ANKRD6: variants seen among roughly 807,000 people sequenced by gnomAD.
ANKRD6 encodes ankyrin repeat domain-containing protein 6.
In ANKRD6, 56 loss-of-function variants were observed where a neutral mutation model predicts 82.3. The ratio of observed to expected loss-of-function variants is 0.68; its 90% CI spans 0.55 to 0.85. ANKRD6 has a LOEUF of 0.85. ANKRD6 is among the 40% of genes least tolerant of loss of function. The pLI, the probability that ANKRD6 is intolerant of heterozygous loss-of-function variation, is 0.00. For missense variants in ANKRD6, 852 were observed against 907.6 expected, an observed-to-expected ratio of 0.94 and a Z score of 0.79; for synonymous variants, 347 against 352.1, an observed-to-expected ratio of 0.99 and a Z score of 0.16.
chr6:89,434,690 GTTGGGA>G, intron 1 of ANKRD6, among the ~76,000 whole-genome samples: 1 of 152,264 alleles, frequency 6.6e-6, no homozygotes, highest in South Asian at 2.1e-4. Context: ...CTCCCAAAGT[GTTGGGA>G]TTACAGGTGT....
In ANKRD6 at chr6:89,463,852, A is replaced by G. The variant is rs1297326686; in HGVS notation, c.-144+30477A>G. Among the ~76,000 whole-genome samples, 3 of 152,176 alleles carry G rather than the reference A, an allele frequency of 2.0e-5. No individual in the cohort carries two copies. In the East Asian group the frequency reaches 5.8e-4, roughly 29 times the overall value. On this transcript the variant is annotated intron_variant, in intron 1 of 15. Transcript: ENST00000339746. ...AAGCATAAGCCACCACGCCCAGTCA[A>G]AAATCTTATTTTATAAAAAAAAGCA...
intron 1 of ANKRD6, among the ~76,000 whole-genome samples, chr6:89,516,665 C>T (rs773378374): frequency 2.0e-5 from 3 of 152,216 alleles, no homozygotes; most frequent in African/African-American, 4.8e-5. Flanking sequence ...TTAGTAGAGA[C>T]GGGGTTTTGC....
At chr6:89,580,500 A>C (rs1792265669) in intron 2 of ANKRD6, among the ~76,000 whole-genome samples, 1 of 152,160 alleles carries the variant, frequency 6.6e-6, no homozygotes, top group Admixed American at 6.5e-5. Flanking sequence ...TCCGGCAGCC[A>C]CTTTCAAGAG....
At chr6:89,436,139 A>G (rs1382994102) in intron 1 of ANKRD6, among the ~76,000 whole-genome samples, 1 of 152,238 alleles carries the variant, frequency 6.6e-6, no homozygotes, top group Non-Finnish European at 1.5e-5. Context: ...GTTTGAAAAA[A>G]TAATATACAT....
intron 3 of ANKRD6, chr6:89,598,451 C>A: frequency 3.1e-6 from 3 of 982,606 alleles, no homozygotes; most frequent in Non-Finnish European, 3.6e-6. Flanking sequence ...TTGCTTTACA[C>A]ACCTAACCTG....
At chr6:89,544,544 C>T (rs901906416) in intron 1 of ANKRD6, among the ~76,000 whole-genome samples, 1 of 151,986 alleles carries the variant, frequency 6.6e-6, no homozygotes, top group Non-Finnish European at 1.5e-5. Context: ...GAAACCCCAT[C>T]GCTACTAATA....
At chr6:89,594,675 A>T (rs560090503) in intron 2 of ANKRD6, among the ~76,000 whole-genome samples, 19 of 152,292 alleles carry the variant, frequency 1.2e-4, no homozygotes, top group Non-Finnish European at 2.6e-4. Context: ...GTTGGTGGTT[A>T]TGTGAAGTTT....
intron 1 of ANKRD6, among the ~76,000 whole-genome samples, chr6:89,465,089 G>A (rs889303684): frequency 6.6e-6 from 1 of 151,164 alleles, no homozygotes; most frequent in Non-Finnish European, 1.5e-5. Flanking sequence ...TGTAGTGCAT[G>A]TAATTATAGA....
intron 1 of ANKRD6, among the ~76,000 whole-genome samples, chr6:89,554,913 A>G (rs1022684446): frequency 6.6e-6 from 1 of 152,166 alleles, no homozygotes; most frequent in African/African-American, 2.4e-5. Context: ...GGAAATCCAA[A>G]ATATAACCCC....
rs1782314155 is a variant in ANKRD6 at position 89,525,139 on chromosome 6, CA to C, written c.-143-41690del. Among the ~76,000 whole-genome samples, 3 of 151,970 alleles carry C rather than the reference CA, an allele frequency of 2.0e-5. No homozygotes were observed. In the South Asian group the frequency reaches 6.2e-4, roughly 32 times the overall value. On this transcript the variant is annotated intron_variant, in intron 1 of 15. Transcript: ENST00000339746. ...TGAAACCCTGTCTCTACTAAAAACA[CA>C]AAAATTAGCTGGGCCTGGTGGCACA...
At chr6:89,449,308 C>T (rs1220806183) in intron 1 of ANKRD6, among the ~76,000 whole-genome samples, 2 of 152,174 alleles carry the variant, frequency 1.3e-5, no homozygotes, top group Non-Finnish European at 2.9e-5. Flanking sequence ...AGTAAGAGAA[C>T]TACAGTTAGA....
At chr6:89,438,088 T>G (rs562102077) in intron 1 of ANKRD6, among the ~76,000 whole-genome samples, 28 of 152,370 alleles carry the variant, frequency 1.8e-4, no homozygotes, top group Admixed American at 3.3e-4. Flanking sequence ...TACATATGAT[T>G]CCTCAATAGT....
chr6:89,518,200 C>T (rs1184641495), intron 1 of ANKRD6, among the ~76,000 whole-genome samples: 3 of 152,012 alleles, frequency 2.0e-5, no homozygotes, highest in Non-Finnish European at 2.9e-5. Flanking sequence ...GTCCAGAGTT[C>T]GTGACCAGCC....
intron 15 of ANKRD6, chr6:89,629,623 CT>C (rs1238263499): frequency 1.3e-5 from 4 of 304,450 alleles, no homozygotes; most frequent in Non-Finnish European, 2.6e-5. Context: ...TCTCTTTGAT[CT>C]GCCTTTTACT....
chr6:89,537,902 A>G (rs935032393), intron 1 of ANKRD6, among the ~76,000 whole-genome samples: 2 of 147,718 alleles, frequency 1.4e-5, no homozygotes, highest in Non-Finnish European at 3.0e-5. Context: ...AAAAAAAAAG[A>G]AAAGAAAAAA....
Position 89,616,567 on chromosome 6 carries a change from C to CA in ANKRD6, c.625dup (p.Thr209AsnfsTer29), listed in dbSNP as rs1475134944. ...CTTCTAATCAATTCCAGGCTGGAGA[C>CA]ACAGCACTTCACGTTGCTGCTGCCC... On this transcript the variant is annotated frameshift_variant, in exon 8 of 16. Transcript: ENST00000339746. LOFTEE classifies it high-confidence loss of function. 2 of 1,614,034 alleles carry CA rather than the reference C, an allele frequency of 1.2e-6. No individual in the cohort carries two copies. Among genetic ancestry groups the CA allele is most frequent in the South Asian group, 1.1e-5 (1 of 91,084 alleles).
rs1301464264 is a variant in ANKRD6 at position 89,631,780 on chromosome 6, C to G, written c.*776C>G. 1 of 152,058 alleles carries G rather than the reference C, an allele frequency of 6.6e-6. No individual in the cohort carries two copies. Among genetic ancestry groups the G allele is most frequent in the East Asian group, 1.9e-4 (1 of 5,190 alleles). The allele number at this position is 152,058 out of a possible 1,614,324, so 9.4% of individuals were successfully genotyped here. A position where few individuals can be genotyped will look rare whatever the true frequency, so the allele number is the denominator to read the frequency against. On this transcript the variant is annotated 3_prime_UTR_variant, in exon 16 of 16. Transcript: ENST00000339746. ...TGGAAAAAAATTCATGTAACAATTA[C>G]CTGAAAATTTATAACCTATTCCTAA...
chr6:89,472,557 C>T (rs1188580335), intron 1 of ANKRD6, among the ~76,000 whole-genome samples: 3 of 152,170 alleles, frequency 2.0e-5, no homozygotes, highest in Non-Finnish European at 4.4e-5. Flanking sequence ...GTCTTTGCCA[C>T]CCACTGAAAC....
At chr6:89,495,726 A>G (rs1778536378) in intron 1 of ANKRD6, among the ~76,000 whole-genome samples, 2 of 152,312 alleles carry the variant, frequency 1.3e-5, no homozygotes, top group South Asian at 4.1e-4. Flanking sequence ...ACTGTAATTT[A>G]ATTATGTTAC....
Sources: gnomAD v4.1 joint callset for allele counts (sites outside exome capture counted in the v4.1 genomes callset) on GRCh38, gnomAD v4.1.1 for gene constraint, MANE v1.5 for transcripts, NCBI Gene and HGNC (gene_info 2026-07-23, HGNC 2026-07-21) for gene names.